PTPRA: variants seen among roughly 807,000 people sequenced by gnomAD.
The protein encoded by PTPRA is receptor-type tyrosine-protein phosphatase alpha.
In PTPRA, 25 loss-of-function variants were observed where a neutral mutation model predicts 104.8. The observed-to-expected ratio is 0.24, with a 90% CI of 0.17 to 0.33. PTPRA has a LOEUF of 0.33. Among genes scored for constraint, PTPRA ranks in the 10% least tolerant of loss-of-function variants. The pLI, the probability that PTPRA is intolerant of heterozygous loss-of-function variation, is 1.00. For synonymous variants in PTPRA, 323 were observed against 368.9 expected, an observed-to-expected ratio of 0.88 and a Z score of 1.43; for missense variants, 765 against 1,015.3, an observed-to-expected ratio of 0.75 and a Z score of 3.35.
chr20:2,964,449 A>C (rs1275553886), intron 4 of PTPRA, 99 bp downstream of exon 4: 9 of 1,063,836 alleles, frequency 8.5e-6, no homozygotes, highest in Non-Finnish European at 8.2e-6. Flanking sequence ...GAAGAAAGGA[A>C]TATAAAAATT....
At chr20:2,930,819 G>A (rs189520108) in intron 2 of PTPRA, among the ~76,000 whole-genome samples, 2 of 152,212 alleles carry the variant, frequency 1.3e-5, no homozygotes, top group Admixed American at 6.5e-5. Flanking sequence ...ACATCCTATG[G>A]TACTGGGGAT....
intron 6 of PTPRA, among the ~76,000 whole-genome samples, chr20:2,982,903 T>A (rs1475069541): frequency 6.6e-6 from 1 of 152,078 alleles, no homozygotes; most frequent in Admixed American, 6.6e-5. Context: ...TTTCACCATG[T>A]TGGCCAAGCT....
At chr20:3,014,228 A>G (rs2064323520) in intron 11 of PTPRA, among the ~76,000 whole-genome samples, 2 of 152,238 alleles carry the variant, frequency 1.3e-5, no homozygotes, top group African/African-American at 4.8e-5. Context: ...CTTCTCAATG[A>G]AAACTTTAAC....
intron 9 of PTPRA, among the ~76,000 whole-genome samples, chr20:2,996,724 A>G (rs941891360): frequency 2.0e-5 from 3 of 152,242 alleles, no homozygotes; most frequent in South Asian, 2.1e-4. Flanking sequence ...AAGAAGATCA[A>G]CTATATCTAG....
chr20:3,034,524 T>C (rs1214006052), intron 20 of PTPRA, among the ~76,000 whole-genome samples: 4 of 151,654 alleles, frequency 2.6e-5, no homozygotes, highest in Admixed American at 2.6e-4. Flanking sequence ...ACTAATATAA[T>C]GCCTGATCGA....
At chr20:2,934,349 C>T (rs2060614159) in intron 2 of PTPRA, among the ~76,000 whole-genome samples, 5 of 152,088 alleles carry the variant, frequency 3.3e-5, no homozygotes, top group Admixed American at 3.3e-4. Flanking sequence ...AGCGACCTGC[C>T]CACTTCGGCC....
rs142358344 is a variant in PTPRA at position 2,945,946 on chromosome 20, G to A, written c.-49-2036G>A. ...TCCATCTCAATATATATATGCGTGT[G>A]TGTATATATATATATCTATATCTTT... is the stretch of plus-strand genomic sequence containing the variant. On this transcript the variant is annotated intron_variant, in intron 2 of 23. Coordinates refer to ENST00000399903, the MANE Select transcript of PTPRA (RefSeq NM_001385305.1). Among the ~76,000 whole-genome samples the A allele has an allele frequency of 7.3e-4, 111 of 151,704 alleles. 1 individual carries two copies. In the East Asian group the frequency reaches 0.021, roughly 28 times the overall value.
At chr20:2,943,544 C>A (rs1320596828) in intron 2 of PTPRA, among the ~76,000 whole-genome samples, 2 of 152,152 alleles carry the variant, frequency 1.3e-5, no homozygotes, top group Admixed American at 6.5e-5. Context: ...TCCAAAAAAA[C>A]CCCTCACAGA....
chr20:2,865,612 G>C, the PTPRA span: 5 of 914,468 alleles, frequency 5.5e-6, no homozygotes, highest in South Asian at 5.1e-5. The surrounding 1 kb of genome is among the most constrained non-coding windows in gnomAD (Gnocchi z 5.2). Context: ...TGCCCGCATA[G>C]TTAGCGAGTG....
rs150391849 is a variant in PTPRA, at chr20:3,033,520, T to C, written c.1921-2065T>C. Among the ~76,000 whole-genome samples, 202 of 152,152 alleles carry C rather than the reference T, an allele frequency of 1.3e-3. 1 individual carries two copies. The Middle Eastern group carries it at 0.017, about 13-fold the overall frequency. On this transcript the variant is annotated intron_variant, in intron 20 of 23. Transcript: ENST00000399903. ...GCAGTGGCCTGGCAACTGGTCCTCC[T>C]GCTCTCATCCTAACCCACTTTTAGT...
chr20:2,949,611 G>A (rs954887112), intron 3 of PTPRA, among the ~76,000 whole-genome samples: 2 of 151,870 alleles, frequency 1.3e-5, no homozygotes, highest in Admixed American at 1.3e-4. Context: ...TTCTTGTTGC[G>A]AAGGCAGACT....
At chr20:2,964,482 A>T (rs1434599953) in intron 4 of PTPRA, 132 bp downstream of exon 4, 1 of 743,784 alleles carries the variant, frequency 1.3e-6, no homozygotes, top group Admixed American at 2.9e-5. Flanking sequence ...ATGGTAAAAT[A>T]GGTGTCTTCA....
intron 3 of PTPRA, among the ~76,000 whole-genome samples, chr20:2,948,755 T>G (rs918851930): frequency 1.3e-5 from 2 of 151,736 alleles, no homozygotes; most frequent in South Asian, 2.1e-4. Context: ...ATCAAGACCA[T>G]CCTGGCTAAC....
At chr20:2,908,834 T>C (rs574696507) in intron 1 of PTPRA, among the ~76,000 whole-genome samples, 9 of 152,374 alleles carry the variant, frequency 5.9e-5, no homozygotes, top group Non-Finnish European at 1.5e-5. Context: ...ATGATAGTTA[T>C]GTACTAATAA....
intron 18 of PTPRA, 144 bp downstream of exon 18, chr20:3,026,924 G>C: frequency 1.1e-6 from 1 of 940,986 alleles, no homozygotes; most frequent in South Asian, 1.6e-5. Context: ...TTAACAACAT[G>C]GCGTTGCCTT....
chr20:2,918,217 C>T (rs985520782), intron 1 of PTPRA, among the ~76,000 whole-genome samples: 3 of 151,506 alleles, frequency 2.0e-5, no homozygotes, highest in Non-Finnish European at 4.4e-5. Context: ...TAAAACGAGA[C>T]AGGGTGACCA....
intron 7 of PTPRA, 70 bp downstream of exon 7, chr20:2,986,919 C>T: frequency 7.4e-7 from 1 of 1,345,832 alleles, no homozygotes; most frequent in Non-Finnish European, 1.1e-6. Flanking sequence ...TGAACCCACA[C>T]AGTCCAGTAG....
intron 1 of PTPRA, among the ~76,000 whole-genome samples, chr20:2,877,683 A>G (rs182645918): frequency 2.0e-4 from 30 of 152,314 alleles, no homozygotes; most frequent in Admixed American, 2.0e-3. Context: ...TGTATTCTCT[A>G]TGGAAAAGAG....
chr20:2,943,590 A>G (rs1169785016), intron 2 of PTPRA, among the ~76,000 whole-genome samples: 1 of 152,186 alleles, frequency 6.6e-6, no homozygotes, highest in South Asian at 2.1e-4. Context: ...ATATCTGGAC[A>G]CTGTGGTGTG....
Sources: gnomAD v4.1 joint callset for allele counts (sites outside exome capture counted in the v4.1 genomes callset) on GRCh38, gnomAD v4.1.1 for gene constraint, Gnocchi (gnomAD v3.1) non-coding constraint, MANE v1.5 for transcripts, NCBI Gene and HGNC (gene_info 2026-07-23, HGNC 2026-07-21) for gene names.